The following IARS1 variants were observed in gnomAD, a reference collection of about 807,000 sequenced individuals.
IARS1 encodes isoleucine--tRNA ligase, cytoplasmic.
IARS1 carries 124 observed loss-of-function variants against 168.2 expected under a neutral mutation model. The observed-to-expected ratio is 0.74, with a 90% CI of 0.64 to 0.86. The LOEUF (loss-of-function observed/expected upper bound fraction) is 0.86, where lower values mean the gene tolerates loss of function less well. Ranked by LOEUF, IARS1 falls within the 40% of genes least tolerant of loss-of-function variation. IARS1 has a pLI of 0.00. For missense variants in IARS1, 1,452 were observed against 1,515.8 expected (o/e 0.96, Z 0.70); for synonymous variants, 532 against 529.4 (o/e 1.00, Z -0.07).
intron 7 of IARS1, among the ~76,000 whole-genome samples, chr9:92,280,532 A>G (rs1171243001): frequency 6.6e-6 from 1 of 152,204 alleles, no homozygotes; most frequent in Non-Finnish European, 1.5e-5. Flanking sequence ...AGAAAATTTT[A>G]TGTTCTACTT....
chr9:92,223,502 A>G lies in IARS1; in HGVS notation c.3410-13T>C. On this transcript the variant is annotated splice_polypyrimidine_tract_variant and intron_variant, in intron 31 of 33. Coordinates refer to ENST00000443024, the MANE Select transcript of IARS1 (RefSeq NM_002161.6). ...TGGTTTTGTATTTCTAAAAATAACA[A>G]CAACAATTCTTTCAGGGTTAACGAA... is the stretch of plus-strand genomic sequence containing the variant. 6.2e-7 allele frequency: 1 copy of G among 1,605,058 alleles called. No homozygotes were observed. The highest frequency in any genetic ancestry group is 1.7e-5 in the Admixed American group (1 of 58,966).
chr9:92,240,559 CCT>C, intron 30 of IARS1: 2 of 640,162 alleles, frequency 3.1e-6, no homozygotes, highest in South Asian at 1.8e-5. Context: ...CATGCCTGGC[CCT>C]TTTTTTTTTT....
intron 30 of IARS1, among the ~76,000 whole-genome samples, chr9:92,237,301 T>A (rs1239844835): frequency 6.6e-6 from 1 of 152,216 alleles, no homozygotes; most frequent in Non-Finnish European, 1.5e-5. Flanking sequence ...TAATCATGGA[T>A]AATTTAAAAG....
intron 33 of IARS1, among the ~76,000 whole-genome samples, chr9:92,216,112 A>T (rs916312285): frequency 6.6e-6 from 1 of 151,550 alleles, no homozygotes; most frequent in Non-Finnish European, 1.5e-5. Context: ...AGTGGGGGCC[A>T]ATATTCAACA....
chr9:92,283,584 T>C (rs1834977051), intron 6 of IARS1, among the ~76,000 whole-genome samples: 1 of 152,156 alleles, frequency 6.6e-6, no homozygotes, highest in African/African-American at 2.4e-5. Context: ...GAGGGTGCAA[T>C]GAGCCAAGAT....
At chr9:92,228,764 A>G (rs1243049188) in intron 31 of IARS1, among the ~76,000 whole-genome samples, 3 of 152,178 alleles carry the variant, frequency 2.0e-5, no homozygotes, top group African/African-American at 7.2e-5. Flanking sequence ...GAAGTCCACC[A>G]GCTAGCTAAC....
intron 9 of IARS1, among the ~76,000 whole-genome samples, 185 bp from the exon 10 acceptor site, chr9:92,274,706 T>C (rs1430643896): frequency 6.6e-6 from 1 of 152,174 alleles, no homozygotes; most frequent in African/African-American, 2.4e-5. Flanking sequence ...TTCCCATAAA[T>C]AAAAAGTTAC....
At chr9:92,224,746 T>C (rs1223486561) in intron 31 of IARS1, among the ~76,000 whole-genome samples, 2 of 152,108 alleles carry the variant, frequency 1.3e-5, no homozygotes, top group South Asian at 2.1e-4. Flanking sequence ...GGTGGGAGGA[T>C]TGCTTGAGCC....
chr9:92,271,211 C>CT, intron 11 of IARS1, 135 bp from the exon 12 acceptor site: 4 of 610,686 alleles, frequency 6.6e-6, no homozygotes, highest in Non-Finnish European at 8.1e-6. Context: ...TAGTCACTAA[C>CT]TTTAAGTAAT....
intron 10 of IARS1, among the ~76,000 whole-genome samples, chr9:92,273,543 G>C (rs949178933): frequency 2.0e-5 from 3 of 152,012 alleles, no homozygotes; most frequent in African/African-American, 4.8e-5. Flanking sequence ...TGGATGATGT[G>C]AAAAAAAGAA....
chr9:92,267,394 G>GC (rs1832431269), intron 14 of IARS1, among the ~76,000 whole-genome samples: 1 of 152,172 alleles, frequency 6.6e-6, no homozygotes, highest in Non-Finnish European at 1.5e-5. Context: ...GCTCATCACT[G>GC]CAACAATGCT....
intron 9 of IARS1, among the ~76,000 whole-genome samples, chr9:92,274,991 G>C (rs1264887719): frequency 6.6e-6 from 1 of 152,210 alleles, no homozygotes; most frequent in African/African-American, 2.4e-5. Context: ...GCCACGAGTA[G>C]TAAGTTCTAC....
At chr9:92,293,249 C>G (rs565417649) in intron 1 of IARS1, among the ~76,000 whole-genome samples, 1 of 152,130 alleles carries the variant, frequency 6.6e-6, no homozygotes, top group Non-Finnish European at 1.5e-5. Flanking sequence ...AGGCAAATAA[C>G]TGAAAACAAT....
At chr9:92,254,590 C>T (rs1219631895) in intron 20 of IARS1, among the ~76,000 whole-genome samples, 1 of 152,208 alleles carries the variant, frequency 6.6e-6, no homozygotes, top group Non-Finnish European at 1.5e-5. Context: ...ATTTCAGTAA[C>T]TGAGACCTGT....
Position 92,223,397 on chromosome 9 carries a change from TACTAGA to T in IARS1, c.3496_3501del (p.Ser1166_Ser1167del), listed in dbSNP as rs1825116616. 6.2e-7 allele frequency: 1 copy of T among 1,613,756 alleles called. No individual in the cohort carries two copies. ...AGGTTGATATACTGACAAAGAAGAG[TACTAGA>T]ACTGTTGATCAGAGAGGGAGCCGAT... On this transcript the variant is annotated inframe_deletion, in exon 32 of 34. Transcript: ENST00000443024.
chr9:92,220,937 C>T (rs1839577585), intron 33 of IARS1, among the ~76,000 whole-genome samples: 1 of 152,110 alleles, frequency 6.6e-6, no homozygotes, highest in African/African-American at 2.4e-5. Flanking sequence ...GCACTGCAGC[C>T]TGCGTGACAG....
intron 33 of IARS1, among the ~76,000 whole-genome samples, chr9:92,212,232 C>CGAA (rs1458892307): frequency 6.6e-6 from 1 of 152,116 alleles, no homozygotes; most frequent in Non-Finnish European, 1.5e-5. Flanking sequence ...CATTTTGTGG[C>CGAA]TCTTCTAATT....
At chr9:92,222,444 T>G in intron 33 of IARS1, 76 bp downstream of exon 33, 1 of 1,174,660 alleles carries the variant, frequency 8.5e-7, no homozygotes, top group Non-Finnish European at 1.2e-6. Flanking sequence ...CTTACATGTA[T>G]ATGCTACAAA....
intron 31 of IARS1, among the ~76,000 whole-genome samples, chr9:92,227,624 C>T (rs1367516311): frequency 6.9e-5 from 10 of 145,116 alleles, no homozygotes; most frequent in Admixed American, 1.4e-4. Flanking sequence ...TCAGACGGGG[C>T]GGTTGCCAGG....
Sources: allele counts gnomAD v4.1 joint callset (sites outside exome capture counted in the v4.1 genomes callset), GRCh38; gene constraint gnomAD v4.1.1; transcripts MANE v1.5; gene names NCBI Gene and HGNC (gene_info 2026-07-23, HGNC 2026-07-21).